Variants in LHFPL3 observed in about 807,000 individuals in gnomAD.
LHFPL3 encodes LHFPL tetraspan subfamily member 3 protein.
In LHFPL3, 5 loss-of-function variants were observed where a neutral mutation model predicts 19.3. That is an observed-to-expected ratio of 0.26 (90% CI 0.14 to 0.54). The LOEUF (loss-of-function observed/expected upper bound fraction) is 0.54, where lower values mean the gene tolerates loss of function less well. Ranked by LOEUF, LHFPL3 falls within the 20% of genes least tolerant of loss-of-function variation. LHFPL3 has a pLI of 0.94. For missense variants in LHFPL3, 249 were observed against 307.4 expected (o/e 0.81, Z 1.42); for synonymous variants, 133 against 126.2 (o/e 1.05, Z -0.36).
intron 1 of LHFPL3, among the ~76,000 whole-genome samples, chr7:104,498,973 T>C (rs920297027): frequency 6.6e-6 from 1 of 152,222 alleles, no homozygotes; most frequent in Non-Finnish European, 1.5e-5. Flanking sequence ...AAGATTTTTT[T>C]TTCCATGAGG....
intron 1 of LHFPL3, among the ~76,000 whole-genome samples, chr7:104,586,975 C>G (rs1461481228): frequency 1.3e-5 from 2 of 151,996 alleles, no homozygotes; most frequent in African/African-American, 2.4e-5. Flanking sequence ...AGGCATAAGA[C>G]AGAAACTTAC....
At chr7:104,504,674 T>C (rs41035) in intron 1 of LHFPL3, among the ~76,000 whole-genome samples, 21,158 of 152,150 alleles carry the variant, frequency 0.14, 1,604 homozygotes, top group East Asian at 0.21. Flanking sequence ...CTTCAGGTTA[T>C]GTGTTTAATT....
chr7:104,865,468 G>T (rs1340788215), intron 2 of LHFPL3, among the ~76,000 whole-genome samples: 3 of 152,060 alleles, frequency 2.0e-5, no homozygotes, highest in South Asian at 2.1e-4. Flanking sequence ...TGGAAGAAAG[G>T]GTATCAGTGA....
chr7:104,462,479 GATAATC>G (rs1222184628), intron 1 of LHFPL3, among the ~76,000 whole-genome samples: 10 of 152,170 alleles, frequency 6.6e-5, no homozygotes, highest in South Asian at 2.1e-4. Flanking sequence ...CAGCTATTGA[GATAATC>G]ATGATGTATC....
intron 1 of LHFPL3, among the ~76,000 whole-genome samples, chr7:104,510,819 T>C (rs1247722079): frequency 6.6e-6 from 1 of 152,144 alleles, no homozygotes; most frequent in Non-Finnish European, 1.5e-5. Context: ...AAATACCACA[T>C]GTTCTCACTT....
At chr7:104,728,488 C>T (rs567764668) in intron 1 of LHFPL3, among the ~76,000 whole-genome samples, 5 of 152,176 alleles carry the variant, frequency 3.3e-5, no homozygotes, top group African/African-American at 1.2e-4. Context: ...TCCTCAAACA[C>T]AGCAAGCCTC....
chr7:104,430,038 C>T (rs938110898), intron 1 of LHFPL3, among the ~76,000 whole-genome samples: 4 of 151,928 alleles, frequency 2.6e-5, no homozygotes, highest in Non-Finnish European at 4.4e-5. Flanking sequence ...TGCTCAACAT[C>T]GTCTGAGTGT....
At chr7:104,413,232 C>G (rs1791565596) in intron 1 of LHFPL3, among the ~76,000 whole-genome samples, 1 of 152,142 alleles carries the variant, frequency 6.6e-6, no homozygotes, top group African/African-American at 2.4e-5. Context: ...CTGCTTCTTT[C>G]CTGAAATGAA....
At chr7:104,348,340 G>C (rs926025550) in intron 1 of LHFPL3, among the ~76,000 whole-genome samples, 29 of 152,268 alleles carry the variant, frequency 1.9e-4, no homozygotes, top group African/African-American at 6.7e-4. Context: ...CCGAGATCTC[G>C]TACTATTGCA....
intron 2 of LHFPL3, among the ~76,000 whole-genome samples, chr7:104,778,665 A>G (rs547026523): frequency 1.3e-5 from 2 of 152,328 alleles, no homozygotes; most frequent in African/African-American, 2.4e-5. Context: ...CCCTCGCACT[A>G]TCATCTACCA....
chr7:104,871,928 G>A (rs1035999866), intron 2 of LHFPL3, among the ~76,000 whole-genome samples: 1 of 151,960 alleles, frequency 6.6e-6, no homozygotes, highest in Non-Finnish European at 1.5e-5. Flanking sequence ...AAAGTACTGG[G>A]ATTACAGGTG....
At chr7:104,596,056 G>A (rs1281209169) in intron 1 of LHFPL3, among the ~76,000 whole-genome samples, 8 of 152,180 alleles carry the variant, frequency 5.3e-5, no homozygotes, top group Non-Finnish European at 1.2e-4. Context: ...CTCACCCTCC[G>A]TGGGCTGCAC....
At chr7:104,823,376 G>GC (rs1447789947) in intron 2 of LHFPL3, among the ~76,000 whole-genome samples, 10 of 152,126 alleles carry the variant, frequency 6.6e-5, no homozygotes, top group African/African-American at 2.4e-4. Context: ...AAATGAGAGG[G>GC]CTGGACCAGG....
intron 1 of LHFPL3, among the ~76,000 whole-genome samples, chr7:104,697,138 AGGGCTCTGC>A (rs1793011991): frequency 6.6e-6 from 1 of 152,174 alleles, no homozygotes; most frequent in Non-Finnish European, 1.5e-5. Context: ...TCCATTCATG[AGGGCTCTGC>A]CCTCATGACC....
At chr7:104,739,524 A>T (rs1216846540) in intron 2 of LHFPL3, among the ~76,000 whole-genome samples, 1 of 152,228 alleles carries the variant, frequency 6.6e-6, no homozygotes, top group Non-Finnish European at 1.5e-5. Flanking sequence ...TTATATATAA[A>T]TGGGTGCTTT....
At chr7:104,873,722 A>G (rs554586269) in intron 2 of LHFPL3, among the ~76,000 whole-genome samples, 1 of 152,234 alleles carries the variant, frequency 6.6e-6, no homozygotes, top group South Asian at 2.1e-4. Flanking sequence ...TCCCACACAC[A>G]TTTTCTTTCC....
At chr7:104,719,266 C>T (rs1793444333) in intron 1 of LHFPL3, among the ~76,000 whole-genome samples, 1 of 152,032 alleles carries the variant, frequency 6.6e-6, no homozygotes. Flanking sequence ...ATAAAGTACA[C>T]ATGTACACAT....
At chr7:104,432,486 C>T (rs372631980) in intron 1 of LHFPL3, among the ~76,000 whole-genome samples, 5 of 152,260 alleles carry the variant, frequency 3.3e-5, no homozygotes, top group East Asian at 3.9e-4. Context: ...GCGTCCAAGT[C>T]CTGCTCCTTT....
chr7:104,457,557 T>C (rs1426355574), intron 1 of LHFPL3, among the ~76,000 whole-genome samples: 1 of 150,946 alleles, frequency 6.6e-6, no homozygotes, highest in African/African-American at 2.4e-5. Context: ...CTATTGTGAA[T>C]AGTGCCGCAG....
Sources: gnomAD v4.1 joint callset for allele counts (sites outside exome capture counted in the v4.1 genomes callset) on GRCh38, gnomAD v4.1.1 for gene constraint, MANE v1.5 for transcripts, NCBI Gene and HGNC (gene_info 2026-07-23, HGNC 2026-07-21) for gene names.